The following DSTYK variants were observed in gnomAD, a reference collection of about 807,000 sequenced individuals.
The protein encoded by DSTYK is dual serine/threonine and tyrosine protein kinase.
A neutral mutation model predicts 98.7 loss-of-function variants in DSTYK; 34 were observed. The ratio of observed to expected loss-of-function variants is 0.34; its 90% confidence interval spans 0.26 to 0.46. DSTYK has a LOEUF of 0.46. Among genes scored for constraint, DSTYK ranks in the 20% least tolerant of loss-of-function variants. DSTYK has a pLI of 1.00. For missense variants in DSTYK, 962 were observed against 1,181.7 expected (o/e 0.81, Z 2.73); for synonymous variants, 462 against 457.3 (o/e 1.01, Z -0.13).
chr1:205,159,768 C>A (rs1298619941), intron 8 of DSTYK, 89 bp from the exon 9 acceptor site: 8 of 1,547,916 alleles, frequency 5.2e-6, no homozygotes, highest in Non-Finnish European at 7.0e-6. Context: ...AATTTCCAGA[C>A]CATGCTTAGG....
chr1:205,142,697 A>G lies in DSTYK; in HGVS notation c.*4861T>C, dbSNP rs1052365876. On this transcript the variant is annotated 3_prime_UTR_variant, in exon 13 of 13. Transcript: ENST00000367162. Reference sequence around the variant, plus strand: ...AACAATATTATGGAAAGAGCCAGGTAGCACAAGAAAGGAGAGAGGATAAAG... The same window carrying G: ...AACAATATTATGGAAAGAGCCAGGTGGCACAAGAAAGGAGAGAGGATAAAG... 3.3e-5 allele frequency: 5 copies of G among 152,308 alleles called. No homozygotes were observed. The highest frequency in any genetic ancestry group is 1.2e-4 in the African/African-American group (5 of 41,460). 9.4% of individuals were successfully genotyped at this position (152,308 alleles called of 1,614,324 possible).
chr1:205,148,415 AG>A, intron 11 of DSTYK, 76 bp from the exon 12 acceptor site: 2 of 1,580,488 alleles, frequency 1.3e-6, no homozygotes, highest in Non-Finnish European at 1.7e-6. Context: ...TTGCCTCAGT[AG>A]AGGGTTGGCT....
chr1:205,180,529 G>T (rs3851289), intron 2 of DSTYK, among the ~76,000 whole-genome samples: 73,372 of 152,018 alleles, frequency 0.48, 21,034 homozygotes, highest in Non-Finnish European at 0.63. Flanking sequence ...CAATGGCGCG[G>T]TCTCAGCTTA....
intron 1 of DSTYK, among the ~76,000 whole-genome samples, chr1:205,204,952 C>G (rs916082209): frequency 2.6e-5 from 4 of 152,122 alleles, no homozygotes; most frequent in African/African-American, 9.7e-5. Context: ...AGAGAATGCA[C>G]TAGAATAGGA....
At chr1:205,200,040 A>T (rs1658980569) in intron 1 of DSTYK, among the ~76,000 whole-genome samples, 1 of 151,872 alleles carries the variant, frequency 6.6e-6, no homozygotes, top group Non-Finnish European at 1.5e-5. Flanking sequence ...TTCAACTCTT[A>T]TTCTTTTTTT....
intron 10 of DSTYK, among the ~76,000 whole-genome samples, chr1:205,152,124 C>T (rs879923599): frequency 2.0e-5 from 3 of 152,184 alleles, no homozygotes; most frequent in Admixed American, 1.3e-4. Flanking sequence ...AACATTACAA[C>T]AGCTATGATG....
At chr1:205,186,761 T>C (rs1389502701) in intron 2 of DSTYK, among the ~76,000 whole-genome samples, 5 of 152,188 alleles carry the variant, frequency 3.3e-5, no homozygotes, top group African/African-American at 1.2e-4. Flanking sequence ...TCTTAGACAA[T>C]ATGATATCTT....
At chr1:205,193,081 C>T (rs1181655593) in intron 1 of DSTYK, among the ~76,000 whole-genome samples, 2 of 152,106 alleles carry the variant, frequency 1.3e-5, no homozygotes, top group East Asian at 1.9e-4. Flanking sequence ...TGGAGAAAAC[C>T]GCAGCATTAC....
chr1:205,211,662 G>A lies in DSTYK; in HGVS notation c.-127C>T. 2 of 1,286,602 alleles carry A rather than the reference G, an allele frequency of 1.6e-6. No homozygotes were observed. The highest frequency in any genetic ancestry group is 2.0e-6 in the Non-Finnish European group (2 of 982,158). 79.7% of individuals were successfully genotyped at this position (1,286,602 alleles called of 1,614,324 possible). ...GACGCCCCCGCCTGCAGTCAGCCTG[G>A]CTCCCAACCTCCGTCACTGCCGTTG... On this transcript the variant is annotated 5_prime_UTR_variant, in exon 1 of 13. Transcript: ENST00000367162.
chr1:205,161,410 A>C, intron 6 of DSTYK, 23 bp from the exon 7 acceptor site: 1 of 1,613,732 alleles, frequency 6.2e-7, no homozygotes, highest in Non-Finnish European at 8.5e-7. Flanking sequence ...CAGAAAAAGT[A>C]CATATGACTT....
chr1:205,196,544 C>A (rs1658870879), intron 1 of DSTYK, among the ~76,000 whole-genome samples: 1 of 152,034 alleles, frequency 6.6e-6, no homozygotes, highest in Non-Finnish European at 1.5e-5. Flanking sequence ...GGTAACAGAG[C>A]AAGACCTTGC....
At chr1:205,173,938 T>C (rs1156460044) in intron 2 of DSTYK, among the ~76,000 whole-genome samples, 1 of 152,096 alleles carries the variant, frequency 6.6e-6, no homozygotes, top group African/African-American at 2.4e-5. Flanking sequence ...AAGGCTGGTC[T>C]TGAACTCCTA....
Position 205,148,380 on chromosome 1 carries a change from G to A in DSTYK, c.2468-41C>T, listed in dbSNP as rs74855648. 3 of 1,608,300 alleles carry A rather than the reference G, an allele frequency of 1.9e-6. No homozygotes were observed. The East Asian group carries it at 6.7e-5, about 36-fold the overall frequency. On this transcript the variant is annotated intron_variant, in intron 11 of 12. Transcript: ENST00000367162. ...GATGAAACGTAATGAGCCACAGAGA[G>A]TCAGGCAGCAGCATCTACACCACCT...
chr1:205,203,091 A>G (rs1659089927), intron 1 of DSTYK, among the ~76,000 whole-genome samples: 1 of 152,234 alleles, frequency 6.6e-6, no homozygotes, highest in Admixed American at 6.5e-5. Flanking sequence ...AACTACTTGC[A>G]AGGCTGAAGA....
At chr1:205,199,215 T>G (rs1369618907) in intron 1 of DSTYK, among the ~76,000 whole-genome samples, 1 of 151,924 alleles carries the variant, frequency 6.6e-6, no homozygotes, top group African/African-American at 2.4e-5. Flanking sequence ...AAAGCCCAAC[T>G]CCAAAGAAAG....
At position 205,143,008 on chromosome 1, in the gene DSTYK, G is replaced by A. The variant is rs1224737169; in HGVS notation, c.*4550C>T. ...GAAGTTAAAAATGAAACCCTTTTAG[G>A]AACAGTAGTGCTACTGGAAACCTCC... On this transcript the variant is annotated 3_prime_UTR_variant, in exon 13 of 13. Coordinates refer to ENST00000367162, the MANE Select transcript of DSTYK (RefSeq NM_015375.3). 1 of 152,098 alleles carries A rather than the reference G, an allele frequency of 6.6e-6. No homozygotes were observed. The highest frequency in any genetic ancestry group is 2.1e-4 in the South Asian group (1 of 4,826). 9.4% of individuals were successfully genotyped at this position (152,098 alleles called of 1,614,324 possible).
chr1:205,197,132 T>G (rs1280634228), intron 1 of DSTYK, among the ~76,000 whole-genome samples: 2 of 146,744 alleles, frequency 1.4e-5, no homozygotes, highest in African/African-American at 2.5e-5. Context: ...TACCCTGTGA[T>G]GAAAGGAAAA....
Position 205,147,104 on chromosome 1 carries a change from T to C in DSTYK, c.*454A>G, listed in dbSNP as rs1657259968. 6.5e-6 allele frequency: 1 copy of C among 153,504 alleles called. No homozygotes were observed. The highest frequency in any genetic ancestry group is 1.5e-5 in the Non-Finnish European group (1 of 68,676). The allele number at this position is 153,504 out of a possible 1,614,324, so 9.5% of individuals were successfully genotyped here. On this transcript the variant is annotated 3_prime_UTR_variant, in exon 13 of 13. Transcript: ENST00000367162. ...AAGTTATTGTTTTTGTCCCCATGTT[T>C]TCATAATCCCAGAACTAAGCTCAAA...
intron 11 of DSTYK, among the ~76,000 whole-genome samples, chr1:205,148,822 G>C (rs1657319832): frequency 6.6e-6 from 1 of 151,960 alleles, no homozygotes; most frequent in African/African-American, 2.4e-5. Flanking sequence ...AACAGCAATA[G>C]GGTGGACTGT....
Sources: allele counts gnomAD v4.1 joint callset (sites outside exome capture counted in the v4.1 genomes callset), GRCh38; gene constraint gnomAD v4.1.1; transcripts MANE v1.5; gene names NCBI Gene and HGNC (gene_info 2026-07-23, HGNC 2026-07-21).